The following RGL1 variants were observed in gnomAD, a reference collection of about 807,000 sequenced individuals.
The protein encoded by RGL1 is ral guanine nucleotide dissociation stimulator like 1.
RGL1 carries 24 observed loss-of-function variants against 95.2 expected under a neutral mutation model. That is an observed-to-expected ratio of 0.25 (90% confidence interval 0.18 to 0.35). The LOEUF is 0.35. RGL1 is among the 10% of genes least tolerant of loss of function. RGL1 has a pLI of 1.00. For synonymous variants in RGL1, 329 were observed against 344.9 expected, an observed-to-expected ratio of 0.95 and a Z score of 0.51; for missense variants, 715 against 936.3, an observed-to-expected ratio of 0.76 and a Z score of 3.08.
At chr1:183,748,875 T>C (rs1657821938) in intron 2 of RGL1, among the ~76,000 whole-genome samples, 1 of 152,208 alleles carries the variant, frequency 6.6e-6, no homozygotes. Context: ...ATTTGGTTAT[T>C]TACCCAGTAA....
At chr1:183,899,348 CCT>C (rs1667885902) in intron 10 of RGL1, among the ~76,000 whole-genome samples, 3 of 152,182 alleles carry the variant, frequency 2.0e-5, no homozygotes, top group African/African-American at 7.2e-5. Context: ...GTCTGTCACC[CCT>C]GTCTCTTCAG....
intron 1 of RGL1, among the ~76,000 whole-genome samples, chr1:183,666,505 A>T (rs1424699376): frequency 2.0e-5 from 3 of 152,106 alleles, no homozygotes; most frequent in Admixed American, 2.0e-4. Context: ...GGAATTTTCC[A>T]GCTATCTTTC....
At chr1:183,708,797 G>A (rs768741080) in intron 1 of RGL1, among the ~76,000 whole-genome samples, 4 of 152,230 alleles carry the variant, frequency 2.6e-5, no homozygotes, top group Non-Finnish European at 5.9e-5. Context: ...TGCACAGAGA[G>A]GTGACTGGAG....
intron 1 of RGL1, among the ~76,000 whole-genome samples, chr1:183,723,975 A>G (rs993051470): frequency 1.3e-5 from 2 of 152,198 alleles, no homozygotes; most frequent in African/African-American, 2.4e-5. Flanking sequence ...GCTCAGTCAC[A>G]GTAGGATAGG....
chr1:183,842,080 A>G (rs1480826162), intron 2 of RGL1, among the ~76,000 whole-genome samples: 1 of 152,128 alleles, frequency 6.6e-6, no homozygotes, highest in Non-Finnish European at 1.5e-5. Context: ...AGGAAGCATA[A>G]AACTTACTTT....
At position 183,817,789 on chromosome 1, in the gene RGL1, G is replaced by T. The variant is rs568128440; in HGVS notation, c.138+11304G>T. On this transcript the variant is annotated intron_variant, in intron 2 of 17. Transcript: ENST00000360851. ...GGTGGTAGAGGAGAAGGGACTCTTT[G>T]TACACTGACTCAAGGCATGCGTGTA... 8.5e-5 allele frequency among the ~76,000 whole-genome samples: 13 copies of T among 152,302 alleles called. No homozygotes were observed. The East Asian group carries it at 2.5e-3, about 29-fold the overall frequency.
intron 16 of RGL1, among the ~76,000 whole-genome samples, chr1:183,920,093 GGCACGATCTCA>G (rs1195656177): frequency 1.3e-5 from 2 of 151,136 alleles, no homozygotes; most frequent in Non-Finnish European, 2.9e-5. Flanking sequence ...GGATTGCAAT[GGCACGATCTCA>G]GCTCACTGCA....
chr1:183,645,364 C>A (rs1650212759), intron 1 of RGL1, among the ~76,000 whole-genome samples: 1 of 152,230 alleles, frequency 6.6e-6, no homozygotes, highest in South Asian at 2.1e-4. Flanking sequence ...CTAAGACCCC[C>A]AAACCCTGGA....
In RGL1 at chr1:183,847,903, T is replaced by C. The variant is rs1052730025; in HGVS notation, c.347+129T>C. 8 of 684,826 alleles carry C rather than the reference T, an allele frequency of 1.2e-5. No individual in the cohort carries two copies. The African/African-American group carries it at 1.4e-4, about 12-fold the overall frequency. The allele number at this position is 684,826 out of a possible 1,614,324, so 42.4% of individuals were successfully genotyped here. On this transcript the variant is annotated intron_variant, in intron 3 of 17. Coordinates refer to ENST00000360851, the MANE Select transcript of RGL1 (RefSeq NM_001297671.3). ...GTGAGGAAAGATTAACGGGAAGGGA[T>C]GACCTTTGGCACAAATGAAAAGAAG...
At chr1:183,669,539 T>A (rs532333355) in intron 1 of RGL1, among the ~76,000 whole-genome samples, 32 of 152,344 alleles carry the variant, frequency 2.1e-4, no homozygotes, top group African/African-American at 7.7e-4. Context: ...CTTCAGATCT[T>A]TAAACTGTGT....
At chr1:183,654,484 G>C (rs1184639) in intron 1 of RGL1, among the ~76,000 whole-genome samples, 46,112 of 152,072 alleles carry the variant, frequency 0.3, 7,388 homozygotes, top group Middle Eastern at 0.38. Context: ...CTTATCAAAA[G>C]CTGGGTGAAA....
At chr1:183,711,315 C>G (rs899709570) in intron 1 of RGL1, among the ~76,000 whole-genome samples, 14 of 152,316 alleles carry the variant, frequency 9.2e-5, no homozygotes, top group African/African-American at 3.4e-4. Flanking sequence ...CAGAGGACAT[C>G]TGTCATTTTC....
At chr1:183,701,751 A>G (rs1654608956) in intron 1 of RGL1, among the ~76,000 whole-genome samples, 1 of 152,092 alleles carries the variant, frequency 6.6e-6, no homozygotes, top group African/African-American at 2.4e-5. Flanking sequence ...AGCCTGGCCA[A>G]TGTGGTGAAA....
intron 1 of RGL1, among the ~76,000 whole-genome samples, chr1:183,689,125 T>C (rs1653791764): frequency 6.6e-6 from 1 of 152,206 alleles, no homozygotes; most frequent in Admixed American, 6.5e-5. Context: ...GCCACGTGTA[T>C]TTCTTTCCAA....
intron 10 of RGL1, among the ~76,000 whole-genome samples, chr1:183,899,584 T>G (rs1667898199): frequency 6.6e-6 from 1 of 152,230 alleles, no homozygotes; most frequent in African/African-American, 2.4e-5. Context: ...TCTGGTGTCA[T>G]GTTGATGGTG....
At chr1:183,708,089 C>G (rs796604409) in intron 1 of RGL1, among the ~76,000 whole-genome samples, 38 of 152,214 alleles carry the variant, frequency 2.5e-4, no homozygotes, top group African/African-American at 8.9e-4. Context: ...CCATTTGGAC[C>G]TGTTATGTAA....
At chr1:183,795,220 A>G (rs2102388575) in intron 2 of RGL1, among the ~76,000 whole-genome samples, 1 of 152,338 alleles carries the variant, frequency 6.6e-6, no homozygotes, top group South Asian at 2.1e-4. Context: ...TTATTTATTG[A>G]GCATCTGCTA....
intron 4 of RGL1, among the ~76,000 whole-genome samples, chr1:183,879,527 T>C (rs927336716): frequency 1.3e-5 from 2 of 152,168 alleles, no homozygotes; most frequent in African/African-American, 2.4e-5. Flanking sequence ...TTTGGTAAAG[T>C]GTTTAGTTAA....
intron 2 of RGL1, among the ~76,000 whole-genome samples, chr1:183,845,642 G>C (rs1376283631): frequency 6.6e-6 from 1 of 152,080 alleles, no homozygotes; most frequent in Non-Finnish European, 1.5e-5. Flanking sequence ...AGTGGTGCTT[G>C]GTACAACCAT....
Sources: gnomAD v4.1 joint callset for allele counts (sites outside exome capture counted in the v4.1 genomes callset) on GRCh38, gnomAD v4.1.1 for gene constraint, MANE v1.5 for transcripts, NCBI Gene and HGNC (gene_info 2026-07-23, HGNC 2026-07-21) for gene names.